TBXAS1: variants seen among roughly 807,000 people sequenced by gnomAD.
The protein encoded by TBXAS1 is thromboxane A synthase 1.
A neutral mutation model predicts 60.7 loss-of-function variants in TBXAS1; 48 were observed. The observed-to-expected ratio is 0.79, with a 90% CI of 0.63 to 1.01. TBXAS1 has a LOEUF of 1.01. Among genes scored for constraint, TBXAS1 ranks in the 50% least tolerant of loss-of-function variants. The pLI is 0.00. For missense variants in TBXAS1, 685 were observed against 686.3 expected, an observed-to-expected ratio of 1.00 and a Z score of 0.02; for synonymous variants, 287 against 269.7, an observed-to-expected ratio of 1.06 and a Z score of -0.63.
chr7:139,998,001 G>T (rs1813412717), intron 9 of TBXAS1, among the ~76,000 whole-genome samples: 1 of 152,168 alleles, frequency 6.6e-6, no homozygotes, highest in Admixed American at 6.5e-5. Flanking sequence ...GAAAAGGATG[G>T]ATAAATCGGG....
intron 4 of TBXAS1, among the ~76,000 whole-genome samples, chr7:139,927,582 C>A (rs150336540): frequency 6.6e-6 from 1 of 152,144 alleles, no homozygotes; most frequent in East Asian, 1.9e-4. Context: ...AACTACAGTA[C>A]TATAATAATC....
At chr7:140,015,616 G>T in intron 10 of TBXAS1, 107 bp from the exon 11 acceptor site, 3 of 1,308,264 alleles carry the variant, frequency 2.3e-6, no homozygotes, top group South Asian at 2.4e-5. Flanking sequence ...ACACCATGCT[G>T]CCTGCCCCTG....
chr7:139,942,280 C>T (rs1476987424), intron 5 of TBXAS1, among the ~76,000 whole-genome samples: 1 of 152,190 alleles, frequency 6.6e-6, no homozygotes, highest in Non-Finnish European at 1.5e-5. Flanking sequence ...CACCATGTAC[C>T]TGAGCATATG....
At chr7:139,846,274 G>T (rs1203300235) in intron 1 of TBXAS1, among the ~76,000 whole-genome samples, 1 of 152,136 alleles carries the variant, frequency 6.6e-6, no homozygotes, top group African/African-American at 2.4e-5. Context: ...CACTCTTTCT[G>T]CCTTTCCACA....
intron 5 of TBXAS1, among the ~76,000 whole-genome samples, chr7:139,950,280 C>T (rs1011741747): frequency 3.3e-5 from 5 of 151,986 alleles, no homozygotes; most frequent in African/African-American, 1.2e-4. Context: ...AAGTGATCCG[C>T]CTGCCTTGGC....
chr7:140,009,017 T>C (rs1814311680), intron 10 of TBXAS1, among the ~76,000 whole-genome samples: 1 of 152,180 alleles, frequency 6.6e-6, no homozygotes. Flanking sequence ...AACTGATCAA[T>C]GGACACAGTA....
At chr7:139,955,752 G>T in intron 7 of TBXAS1, 145 bp downstream of exon 7, 1 of 1,234,430 alleles carries the variant, frequency 8.1e-7, no homozygotes, top group Non-Finnish European at 1.2e-6. Flanking sequence ...TTGTCTTATG[G>T]AGCCACCGGG....
At chr7:139,889,207 G>A (rs367554419) in intron 3 of TBXAS1, among the ~76,000 whole-genome samples, 8 of 151,858 alleles carry the variant, frequency 5.3e-5, no homozygotes, top group East Asian at 1.9e-4. Flanking sequence ...TGGCATGTGC[G>A]CCTGTTGTCC....
intron 3 of TBXAS1, 61 bp from the exon 4 acceptor site, chr7:139,911,163 CT>C (rs1569512365): frequency 2.0e-6 from 3 of 1,474,832 alleles, no homozygotes; most frequent in Non-Finnish European, 2.8e-6. Flanking sequence ...ACCGTGAACT[CT>C]TTTTTGGAAA....
intron 9 of TBXAS1, among the ~76,000 whole-genome samples, chr7:139,963,868 T>A (rs1810560275): frequency 6.6e-6 from 1 of 152,200 alleles, no homozygotes; most frequent in Non-Finnish European, 1.5e-5. Flanking sequence ...GGTGCACAGG[T>A]CCGTTTCTCT....
intron 3 of TBXAS1, among the ~76,000 whole-genome samples, chr7:139,902,035 C>CA (rs1804618708): frequency 6.6e-6 from 1 of 150,646 alleles, no homozygotes; most frequent in Non-Finnish European, 1.5e-5. Context: ...CAATGGTAAC[C>CA]TCTTGCGTGA....
intron 4 of TBXAS1, among the ~76,000 whole-genome samples, chr7:139,795,754 C>T (rs1400508690): frequency 6.6e-6 from 1 of 152,018 alleles, no homozygotes; most frequent in Non-Finnish European, 1.5e-5. Flanking sequence ...TAGACCTGTT[C>T]CTCCTCACTG....
intron 3 of TBXAS1, among the ~76,000 whole-genome samples, chr7:139,890,637 A>G (rs1013043880): frequency 3.3e-5 from 5 of 152,210 alleles, no homozygotes; most frequent in African/African-American, 1.2e-4. Context: ...TTTTACTCCT[A>G]AAGAATTCCC....
Position 139,806,407 on chromosome 7 carries a change from C to T in TBXAS1, c.-80+18981C>T, listed in dbSNP as rs571899268. On this transcript the variant is annotated intron_variant, in intron 4 of 16. Transcript: ENST00000336425. ...CCTCTCGAGTAACTGGGATTACAGGCGCGCTCTACCATACCCAGCTAATTT... is the reference window on the plus strand; with the variant it reads ...CCTCTCGAGTAACTGGGATTACAGGTGCGCTCTACCATACCCAGCTAATTT... 2.8e-4 allele frequency among the ~76,000 whole-genome samples: 43 copies of T among 151,884 alleles called. 1 individual carries two copies. The South Asian group carries it at 4.6e-3, about 16-fold the overall frequency.
chr7:140,015,634 TCA>T, intron 10 of TBXAS1, 87 bp from the exon 11 acceptor site: 1 of 1,479,774 alleles, frequency 6.8e-7, no homozygotes, highest in Non-Finnish European at 9.3e-7. Flanking sequence ...CTGATCCCCT[TCA>T]CACTCAGACT....
intron 4 of TBXAS1, among the ~76,000 whole-genome samples, chr7:139,917,871 C>T (rs1018255686): frequency 2.0e-5 from 3 of 152,162 alleles, no homozygotes; most frequent in African/African-American, 7.2e-5. Context: ...TAAAAGCTTG[C>T]TCTGATATTT....
chr7:139,916,712 A>T lies in TBXAS1; in HGVS notation c.333+5391A>T, dbSNP rs1194915510. On this transcript the variant is annotated intron_variant, in intron 4 of 12. Transcript: ENST00000448866. This position sits in a 1 kb window ranked among gnomAD's most constrained non-coding sequence, Gnocchi z 4.2. ...CACTGGAAACCTTCCTGTCCTCTGT[A>T]TCTGCAGCAGCCTCCTATCGAAGGA... is the stretch of plus-strand genomic sequence containing the variant. Among the ~76,000 whole-genome samples the T allele has an allele frequency of 6.6e-6, 1 of 152,226 alleles. No individual in the cohort carries two copies. The highest frequency in any genetic ancestry group is 6.5e-5 in the Admixed American group (1 of 15,280).
Position 140,007,174 on chromosome 7 carries a change from A to C in TBXAS1, c.1218A>C (p.Pro406=). 1 of 1,614,060 alleles carries C rather than the reference A, an allele frequency of 6.2e-7. No individual in the cohort carries two copies. The part of the protein sequence containing the change: ...VIAETLRMYP[P]AFRFTREAAQ... ...CAGAGACGCTGAGGATGTACCCGCCAGCTTTCAGGTGTGTGGTAGCCCCCT... is the reference window on the plus strand; with the variant it reads ...CAGAGACGCTGAGGATGTACCCGCCCGCTTTCAGGTGTGTGGTAGCCCCCT... Residue 406 remains proline, a synonymous_variant, in exon 10 of 13, where the codon CCA becomes CCC. Transcript: ENST00000448866.
intron 1 of TBXAS1, among the ~76,000 whole-genome samples, chr7:139,851,559 A>G (rs540254993): frequency 3.9e-5 from 6 of 152,228 alleles, no homozygotes; most frequent in Non-Finnish European, 5.9e-5. Flanking sequence ...GGCAGATCCT[A>G]TCTACTCTCT....
Sources: gnomAD v4.1 joint callset for allele counts (sites outside exome capture counted in the v4.1 genomes callset) on GRCh38, gnomAD v4.1.1 for gene constraint, Gnocchi (gnomAD v3.1) non-coding constraint, MANE v1.5 for transcripts, NCBI Gene and HGNC (gene_info 2026-07-23, HGNC 2026-07-21) for gene names.